DLGAP2: variants seen among roughly 807,000 people sequenced by gnomAD.
DLGAP2 encodes the protein DLG associated protein 2, also known as disks large-associated protein 2.
DLGAP2 carries 26 observed loss-of-function variants against 100.3 expected under a neutral mutation model. The ratio of observed to expected loss-of-function variants is 0.26; its 90% confidence interval spans 0.19 to 0.36. The LOEUF (loss-of-function observed/expected upper bound fraction) is 0.36, where lower values mean the gene tolerates loss of function less well. DLGAP2 is among the 10% of genes least tolerant of loss of function. DLGAP2 has a pLI of 1.00. For missense variants in DLGAP2, 1,858 were observed against 1,453.2 expected (o/e 1.28, Z -4.53); for synonymous variants, 886 against 630.1 (o/e 1.41, Z -6.08).
At chr8:1,323,715 A>G (rs554726338) in intron 3 of DLGAP2, among the ~76,000 whole-genome samples, 4 of 152,354 alleles carry the variant, frequency 2.6e-5, no homozygotes, top group Non-Finnish European at 5.9e-5. Flanking sequence ...CAGGTGAGAC[A>G]GGAGCCCTGC....
At chr8:1,175,833 G>A (rs1261978300) in intron 2 of DLGAP2, among the ~76,000 whole-genome samples, 1 of 152,168 alleles carries the variant, frequency 6.6e-6, no homozygotes, top group African/African-American at 2.4e-5. Context: ...AAGGCACTCG[G>A]CATTGGATTT....
At chr8:1,319,236 T>A (rs1181608778) in intron 3 of DLGAP2, among the ~76,000 whole-genome samples, 1 of 152,152 alleles carries the variant, frequency 6.6e-6, no homozygotes, top group East Asian at 1.9e-4. Flanking sequence ...AACTGCTAAG[T>A]TCTCAGCTAA....
intron 2 of DLGAP2, among the ~76,000 whole-genome samples, chr8:1,106,588 T>C (rs1251618716): frequency 6.7e-6 from 1 of 148,864 alleles, no homozygotes; most frequent in African/African-American, 2.5e-5. Flanking sequence ...TCTAGGAGGG[T>C]TTTCTGCTGA....
At chr8:871,826 C>T (rs937643982) in intron 1 of DLGAP2, among the ~76,000 whole-genome samples, 30 of 152,172 alleles carry the variant, frequency 2.0e-4, no homozygotes, top group African/African-American at 7.2e-4. Flanking sequence ...TGGCGTCTCA[C>T]AGAGAAAGGT....
intron 1 of DLGAP2, among the ~76,000 whole-genome samples, chr8:810,396 C>G (rs989234530): frequency 6.6e-6 from 1 of 152,166 alleles, no homozygotes; most frequent in African/African-American, 2.4e-5. Flanking sequence ...ACATTTTATG[C>G]TTGTGGCAAT....
At position 1,549,680 on chromosome 8, in the gene DLGAP2, C is replaced by A; in HGVS notation, c.1227C>A (p.Leu409=). The A allele has an allele frequency of 6.5e-7, 1 of 1,544,972 alleles. No homozygotes were observed. The highest frequency in any genetic ancestry group is 8.7e-7 in the Non-Finnish European group (1 of 1,143,454). Residue 409 remains leucine (L), a synonymous_variant, in exon 5 of 15, where the codon CTC becomes CTA. Transcript: ENST00000637795. ...CCGCCCTGAGGCCGTGCCACTACCT[C>A]CAGGTAAGCAGGCTCACGGCCCTGT... is the stretch of plus-strand genomic sequence containing the variant. ...AKPALRPCHY[L]QVPQDEWGGY... is the part of the protein sequence containing the mutation.
intron 2 of DLGAP2, among the ~76,000 whole-genome samples, chr8:1,119,317 G>C (rs1337470659): frequency 1.3e-5 from 2 of 152,210 alleles, no homozygotes; most frequent in Non-Finnish European, 1.5e-5. Flanking sequence ...AAATATTTTA[G>C]TGTCCAGCGT....
chr8:1,589,606 T>C (rs1323955993), intron 6 of DLGAP2, among the ~76,000 whole-genome samples: 1 of 152,174 alleles, frequency 6.6e-6, no homozygotes, highest in Non-Finnish European at 1.5e-5. Flanking sequence ...AGCTAATTTT[T>C]GTTTTTGTTT....
chr8:1,221,019 G>C (rs1798305097), intron 2 of DLGAP2, among the ~76,000 whole-genome samples: 1 of 152,168 alleles, frequency 6.6e-6, no homozygotes, highest in Non-Finnish European at 1.5e-5. Flanking sequence ...GTCTCTTGAA[G>C]ACAGCGTACA....
intron 3 of DLGAP2, among the ~76,000 whole-genome samples, chr8:1,313,810 C>T (rs1181395628): frequency 1.3e-5 from 2 of 152,074 alleles, no homozygotes; most frequent in African/African-American, 2.4e-5. Context: ...GATCCAAGTT[C>T]AGCTGGCGCC....
chr8:1,264,627 A>G (rs1799415569), intron 3 of DLGAP2, among the ~76,000 whole-genome samples: 1 of 152,188 alleles, frequency 6.6e-6, no homozygotes, highest in South Asian at 2.1e-4. Context: ...AATCAAAATC[A>G]CAAACTATGT....
At chr8:1,502,942 G>A (rs1043835516) in intron 4 of DLGAP2, among the ~76,000 whole-genome samples, 1 of 152,142 alleles carries the variant, frequency 6.6e-6, no homozygotes, top group Non-Finnish European at 1.5e-5. Flanking sequence ...GGAGGCTGGA[G>A]CAGGGGGCAC....
At chr8:1,521,096 G>A (rs1800580623) in intron 4 of DLGAP2, among the ~76,000 whole-genome samples, 1 of 152,036 alleles carries the variant, frequency 6.6e-6, no homozygotes, top group Non-Finnish European at 1.5e-5. Context: ...GAATACTCGG[G>A]CGGGAGGTGA....
chr8:966,832 C>T (rs947794179), intron 2 of DLGAP2, among the ~76,000 whole-genome samples: 8 of 152,320 alleles, frequency 5.3e-5, no homozygotes, highest in Admixed American at 2.6e-4. Flanking sequence ...TTTATTTCCA[C>T]GCCTGTAAAA....
At chr8:1,153,693 T>C (rs1041881852) in intron 2 of DLGAP2, among the ~76,000 whole-genome samples, 5 of 152,232 alleles carry the variant, frequency 3.3e-5, no homozygotes, top group Non-Finnish European at 7.3e-5. Context: ...AACTAGGCTT[T>C]TCCTGCATTG....
chr8:957,380 C>G (rs1799620598), intron 2 of DLGAP2, among the ~76,000 whole-genome samples: 1 of 152,176 alleles, frequency 6.6e-6, no homozygotes, highest in African/African-American at 2.4e-5. Flanking sequence ...CTTCGTTGAT[C>G]TATAGAAAAC....
intron 2 of DLGAP2, among the ~76,000 whole-genome samples, chr8:1,247,836 A>G (rs187896927): frequency 1.2e-3 from 4 of 3,310 alleles, no homozygotes; most frequent in South Asian, 6.0e-3. Flanking sequence ...GTCGGTGGCC[A>G]GCAAGACCTT....
At chr8:1,030,416 C>G (rs1325681927) in intron 2 of DLGAP2, among the ~76,000 whole-genome samples, 1 of 152,164 alleles carries the variant, frequency 6.6e-6, no homozygotes, top group Non-Finnish European at 1.5e-5. Context: ...CCAAGGCCAG[C>G]TGCAGGATAC....
At chr8:1,314,654 G>C (rs1168856285) in intron 3 of DLGAP2, among the ~76,000 whole-genome samples, 1 of 152,208 alleles carries the variant, frequency 6.6e-6, no homozygotes, top group Non-Finnish European at 1.5e-5. Flanking sequence ...TCTGGTGTAA[G>C]GAGGGTCTGT....
Sources: allele counts gnomAD v4.1 joint callset (sites outside exome capture counted in the v4.1 genomes callset), GRCh38; gene constraint gnomAD v4.1.1; transcripts MANE v1.5; gene names NCBI Gene and HGNC (gene_info 2026-07-23, HGNC 2026-07-21).